The following TPM3 variants were observed in gnomAD, a reference collection of about 807,000 sequenced individuals.
TPM3 encodes tropomyosin alpha-3 chain.
A neutral mutation model predicts 43.1 loss-of-function variants in TPM3; 16 were observed. The observed-to-expected ratio is 0.37, with a 90% CI of 0.25 to 0.56. The LOEUF (loss-of-function observed/expected upper bound fraction) is 0.56, where lower values mean the gene tolerates loss of function less well. TPM3 is among the 20% of genes least tolerant of loss of function. The pLI is 0.77. For missense variants in TPM3, 176 were observed against 337.2 expected (o/e 0.52, Z 3.74); for synonymous variants, 101 against 116.9 (o/e 0.86, Z 0.88).
At chr1:154,155,457 G>C (rs1454120764), downstream of TPM3, 1 of 251,290 alleles carries the variant, frequency 4.0e-6, no homozygotes, top group South Asian at 1.1e-4. Context: ...AAATTGTGCA[G>C]TCTCTGGGAT....
At chr1:154,168,031 AG>A (rs1661172426) in intron 9 of TPM3, 91 bp from the exon 10 acceptor site, 2 of 1,561,912 alleles carry the variant, frequency 1.3e-6, no homozygotes, top group African/African-American at 1.4e-5. Context: ...AAAAAGGAAG[AG>A]GTGGCAGCAG....
chr1:154,158,873 A>G (rs1352149772), downstream of TPM3: 1 of 758,404 alleles, frequency 1.3e-6, no homozygotes, highest in Non-Finnish European at 2.4e-6. Context: ...AGGGCAAAAT[A>G]ATAACTTTTA....
At chr1:154,191,787 A>G in intron 1 of TPM3, 115 bp downstream of exon 1, 4 of 1,580,562 alleles carry the variant, frequency 2.5e-6, no homozygotes, top group Non-Finnish European at 3.4e-6. Flanking sequence ...TGGGGAGTCC[A>G]TCCCACCCCC....
intron 9 of TPM3, 109 bp from the exon 10 acceptor site, chr1:154,168,049 T>C: frequency 1.3e-6 from 2 of 1,498,072 alleles, no homozygotes; most frequent in Non-Finnish European, 1.8e-6. Context: ...GCAGGAATAA[T>C]AAAAGAGAGC....
chr1:154,170,320 G>T, intron 8 of TPM3, 80 bp downstream of exon 8: 1 of 1,492,192 alleles, frequency 6.7e-7, no homozygotes, highest in Non-Finnish European at 9.3e-7. Flanking sequence ...TTCCTTTGGT[G>T]TACAGAAAAA....
rs1661013834 is a variant in TPM3 at position 154,166,688 on chromosome 1, CCTT to C, written c.*1246_*1248del. On this transcript the variant is annotated 3_prime_UTR_variant, in exon 10 of 10. Transcript: ENST00000651641. ...TGCTGTGTAAATTGGAATGCGAATT[CCTT>C]TTTTTTTTTTGAGATGGAGTCTCTC... The C allele has an allele frequency of 5.2e-6, 5 of 961,456 alleles. No homozygotes were observed. In the African/African-American group the frequency reaches 1.4e-4, roughly 27 times the overall value. 59.6% of individuals were successfully genotyped at this position (961,456 alleles called of 1,614,324 possible).
At chr1:154,176,700 CTG>C (rs1378898389) in intron 2 of TPM3, among the ~76,000 whole-genome samples, 2 of 148,404 alleles carry the variant, frequency 1.3e-5, no homozygotes, top group Non-Finnish European at 3.0e-5. Context: ...GGTATCCTGA[CTG>C]GGTGTGGTGG....
rs1339441582 is a variant in TPM3 at position 154,166,839 on chromosome 1, T to C, written c.*1098A>G. 4 of 294,374 alleles carry C rather than the reference T, an allele frequency of 1.4e-5. No individual in the cohort carries two copies. Among genetic ancestry groups the C allele is most frequent in the Admixed American group, 6.5e-5 (1 of 15,410 alleles). The allele number at this position is 294,374 out of a possible 1,614,324, so 18.2% of individuals were successfully genotyped here. On this transcript the variant is annotated 3_prime_UTR_variant, in exon 10 of 10. Coordinates refer to ENST00000651641, the MANE Select transcript of TPM3 (RefSeq NM_152263.4). Reference sequence around the variant, plus strand: ...TGGGATTACAGGCACCCACCCACCATGCCCAGCTAATTTTTGTATTTTTAG... The same window carrying C: ...TGGGATTACAGGCACCCACCCACCACGCCCAGCTAATTTTTGTATTTTTAG...
chr1:154,170,029 CT>C, intron 8 of TPM3: 1 of 283,622 alleles, frequency 3.5e-6, no homozygotes, highest in South Asian at 3.9e-5. Flanking sequence ...GCAAAAAGAA[CT>C]GTGGAAAGTA....
downstream of TPM3, chr1:154,157,463 G>T: frequency 1.4e-6 from 1 of 721,612 alleles, no homozygotes; most frequent in Non-Finnish European, 2.5e-6. Context: ...GGATTCTCCG[G>T]GAAGAGGCAG....
chr1:154,190,981 A>T (rs867439389), intron 2 of TPM3, among the ~76,000 whole-genome samples: 11 of 152,164 alleles, frequency 7.2e-5, no homozygotes, highest in Admixed American at 2.6e-4. Flanking sequence ...TTAAAAAAAA[A>T]CTTTTAACAT....
chr1:154,169,489 G>T, intron 8 of TPM3, 106 bp from the exon 9 acceptor site: 1 of 1,118,702 alleles, frequency 8.9e-7, no homozygotes, highest in Non-Finnish European at 1.4e-6. Context: ...TGTGACTGTG[G>T]GTCTAATACC....
In TPM3 at chr1:154,181,684, C is replaced by T. The variant is rs140046457; in HGVS notation, c.244-5436G>A. Among the ~76,000 whole-genome samples the T allele has an allele frequency of 2.2e-4, 33 of 152,314 alleles. No individual in the cohort carries two copies. In the East Asian group the frequency reaches 4.2e-3, roughly 20 times the overall value. ...CCTGTAATCCCAGCACTTTGGGAGG[C>T]AGAGGTGGGTGGATCACCTGAGGTC... On this transcript the variant is annotated intron_variant, in intron 2 of 9. Transcript: ENST00000651641.
chr1:154,184,637 G>A (rs1015395343), intron 2 of TPM3, among the ~76,000 whole-genome samples: 4 of 152,174 alleles, frequency 2.6e-5, no homozygotes, highest in African/African-American at 4.8e-5. Context: ...ACTGTCAGCC[G>A]GGCGGGGTGA....
intron 2 of TPM3, among the ~76,000 whole-genome samples, chr1:154,190,373 A>C (rs193052143): frequency 1.2e-3 from 188 of 152,312 alleles, no homozygotes; most frequent in African/African-American, 4.3e-3. Flanking sequence ...CTTCTAAAAA[A>C]CTTTTCAATC....
chr1:154,180,629 C>T (rs192115553), intron 2 of TPM3, among the ~76,000 whole-genome samples: 1 of 152,234 alleles, frequency 6.6e-6, no homozygotes, highest in East Asian at 1.9e-4. Context: ...CACCCCAGGA[C>T]AGGCGCAGTG....
chr1:154,190,903 C>T (rs1273174523), intron 2 of TPM3, among the ~76,000 whole-genome samples: 1 of 152,024 alleles, frequency 6.6e-6, no homozygotes, highest in Non-Finnish European at 1.5e-5. Context: ...CTCTCTTTGT[C>T]CAGGTCCTGG....
intron 2 of TPM3, among the ~76,000 whole-genome samples, chr1:154,186,468 A>G (rs1001709882): frequency 6.6e-6 from 1 of 151,574 alleles, no homozygotes; most frequent in African/African-American, 2.4e-5. Context: ...CAAGGGGCCC[A>G]GTGCTATTGT....
Position 154,166,163 on chromosome 1 carries a change from T to C in TPM3, c.*1774A>G. The C allele has an allele frequency of 4.4e-6, 1 of 227,152 alleles. No homozygotes were observed. The highest frequency in any genetic ancestry group is 8.8e-6 in the Non-Finnish European group (1 of 114,278). The allele number at this position is 227,152 out of a possible 1,614,324, so 14.1% of individuals were successfully genotyped here. Reference sequence around the variant, plus strand: ...GGAATGGACAAAAGGAAACGTGAATTTGATATGACTTAAAGTTTTAGATTA... The same window carrying C: ...GGAATGGACAAAAGGAAACGTGAATCTGATATGACTTAAAGTTTTAGATTA... On this transcript the variant is annotated 3_prime_UTR_variant, in exon 10 of 10. Transcript: ENST00000651641.
Sources: allele counts gnomAD v4.1 joint callset (sites outside exome capture counted in the v4.1 genomes callset), GRCh38; gene constraint gnomAD v4.1.1; transcripts MANE v1.5; gene names NCBI Gene and HGNC (gene_info 2026-07-23, HGNC 2026-07-21).